CPAMD8: variants seen among roughly 807,000 people sequenced by gnomAD.
CPAMD8 encodes the protein C3 and PZP-like alpha-2-macroglobulin domain-containing protein 8.
CPAMD8 carries 146 observed loss-of-function variants against 224.7 expected under a neutral mutation model. The observed-to-expected ratio is 0.65, with a 90% CI of 0.57 to 0.75. The LOEUF is 0.75. Among genes scored for constraint, CPAMD8 ranks in the 30% least tolerant of loss-of-function variants. CPAMD8 has a pLI of 0.00. For missense variants in CPAMD8, 2,301 were observed against 2,537.5 expected (o/e 0.91, Z 2.00); for synonymous variants, 966 against 1,044.6 (o/e 0.92, Z 1.45).
At chr19:16,902,992 T>G in intron 34 of CPAMD8, 129 bp from the exon 35 acceptor site, 1 of 612,882 alleles carries the variant, frequency 1.6e-6, no homozygotes, top group Non-Finnish European at 2.9e-6. Context: ...TCCATGACAG[T>G]TTTAGAGACT....
At chr19:16,980,395 T>G in intron 14 of CPAMD8, 102 bp downstream of exon 14, 6 of 1,103,860 alleles carry the variant, frequency 5.4e-6, no homozygotes, top group Non-Finnish European at 6.6e-6. Flanking sequence ...CATGCTCCCC[T>G]CTCTGCTGGG....
chr19:16,902,846 A>T lies in CPAMD8; in HGVS notation c.4488T>A (p.Asn1496Lys). 6.5e-7 allele frequency: 1 copy of T among 1,534,640 alleles called. No homozygotes were observed. Among genetic ancestry groups the T allele is most frequent in the Non-Finnish European group, 8.8e-7 (1 of 1,137,808 alleles). The change falls in exon 35 of 42, where the codon AAT becomes AAA. Residue 1496 changes from asparagine to lysine, a missense_variant. Physicochemically the swap from Asn to Lys is moderately conservative, Grantham distance 94 (BLOSUM62 0). Around this residue, in one of 4 missense-constraint regions of CPAMD8, gnomAD observed 1,709 missense variants for 1,753.2 expected, o/e 0.97. Transcript: ENST00000443236. ...CTGGCTTGGCCACCGGGTCAGGCAC[A>T]TTGTAGGTGACATCAATCTGGGGGG... ...CCLMQIDVTYNVPDPVAKPAF... is the reference protein window; with the variant it reads ...CCLMQIDVTYKVPDPVAKPAF...
intron 27 of CPAMD8, among the ~76,000 whole-genome samples, chr19:16,918,859 A>T (rs1439691767): frequency 6.6e-6 from 1 of 151,710 alleles, no homozygotes; most frequent in Non-Finnish European, 1.5e-5. Context: ...AATGCAAAAA[A>T]TCTGAAATGC....
chr19:16,976,746 A>T (rs2055288434), intron 15 of CPAMD8, among the ~76,000 whole-genome samples: 1 of 151,934 alleles, frequency 6.6e-6, no homozygotes, highest in Admixed American at 6.5e-5. Context: ...GTTTGTTTAC[A>T]AGTTGCAGGG....
chr19:16,896,118 G>A, intron 41 of CPAMD8, 58 bp downstream of exon 41: 1 of 1,592,694 alleles, frequency 6.3e-7, no homozygotes, highest in African/African-American at 1.3e-5. Flanking sequence ...GGTAGGGGAG[G>A]GAGGTGGGGA....
At chr19:16,990,670 C>G (rs1443825866) in intron 12 of CPAMD8, among the ~76,000 whole-genome samples, 1 of 151,822 alleles carries the variant, frequency 6.6e-6, no homozygotes, top group East Asian at 1.9e-4. Context: ...CGAGACCATC[C>G]TGGCCAACAT....
At chr19:17,025,679 C>T (rs866270670) in intron 1 of CPAMD8, among the ~76,000 whole-genome samples, 14 of 152,146 alleles carry the variant, frequency 9.2e-5, no homozygotes, top group Non-Finnish European at 1.8e-4. Context: ...AAAATCCCCC[C>T]CAGGGCTGAG....
chr19:16,948,911 GGGAAA>G (rs1568515751), intron 20 of CPAMD8, among the ~76,000 whole-genome samples: 4 of 73,578 alleles, frequency 5.4e-5, no homozygotes, highest in South Asian at 6.3e-4. Context: ...GGGAAGGGAA[GGGAAA>G]GGAAGGGGAG....
intron 13 of CPAMD8, among the ~76,000 whole-genome samples, chr19:16,989,206 T>C (rs1463074658): frequency 6.6e-6 from 1 of 152,154 alleles, no homozygotes; most frequent in African/African-American, 2.4e-5. Flanking sequence ...CCCGTGCCCG[T>C]GCCCCCGTCT....
chr19:17,026,020 T>C (rs530548892), intron 1 of CPAMD8, among the ~76,000 whole-genome samples: 103 of 152,224 alleles, frequency 6.8e-4, no homozygotes, highest in Non-Finnish European at 1.1e-3. Context: ...TCACCCGAAC[T>C]TGCCAGGTTT....
At chr19:16,974,637 C>G (rs1197181569) in intron 17 of CPAMD8, among the ~76,000 whole-genome samples, 2 of 151,912 alleles carry the variant, frequency 1.3e-5, no homozygotes, top group Non-Finnish European at 2.9e-5. Context: ...TTGGAAGAAT[C>G]TACTTGTGAG....
chr19:16,921,284 C>T (rs1328661294), intron 27 of CPAMD8, among the ~76,000 whole-genome samples: 2 of 152,152 alleles, frequency 1.3e-5, no homozygotes, highest in African/African-American at 2.4e-5. Context: ...GCTGTCGGCA[C>T]TACCAGGGTG....
At chr19:17,019,971 C>CTTTTTTTTTTTT (rs569150151) in intron 3 of CPAMD8, among the ~76,000 whole-genome samples, 1 of 97,890 alleles carries the variant, frequency 1.0e-5, no homozygotes, top group East Asian at 2.9e-4. Context: ...TTTTTCTTTT[C>CTTTTTTTTTTTT]TTTTTTTTTT....
chr19:16,983,232 A>G (rs1235001373), intron 13 of CPAMD8, among the ~76,000 whole-genome samples: 1 of 152,116 alleles, frequency 6.6e-6, no homozygotes. Context: ...GGGAAAGCCC[A>G]TCTCTACAAA....
chr19:17,005,150 C>A (rs532030623), intron 7 of CPAMD8, among the ~76,000 whole-genome samples: 2 of 150,054 alleles, frequency 1.3e-5, no homozygotes, highest in East Asian at 3.9e-4. Flanking sequence ...AGTACCAATG[C>A]CCTCTACAAT....
chr19:16,895,313 T>G (rs2051918690), intron 41 of CPAMD8: 1 of 152,956 alleles, frequency 6.5e-6, no homozygotes, highest in African/African-American at 2.4e-5. Context: ...CTGGGGAGGC[T>G]GAGACAGGAG....
intron 5 of CPAMD8, 78 bp from the exon 6 acceptor site, chr19:17,009,398 C>G: frequency 6.2e-7 from 1 of 1,610,120 alleles, no homozygotes; most frequent in African/African-American, 1.3e-5. Flanking sequence ...TGCATGGCCT[C>G]GGTCCCCGGG....
chr19:16,909,284 C>T (rs1440207028), intron 29 of CPAMD8, among the ~76,000 whole-genome samples: 3 of 152,126 alleles, frequency 2.0e-5, no homozygotes, highest in Non-Finnish European at 4.4e-5. Context: ...GTGGCTCACG[C>T]CTGTAATCCC....
chr19:16,967,938 T>TGTGC (rs1323584561), intron 18 of CPAMD8, among the ~76,000 whole-genome samples: 73 of 151,474 alleles, frequency 4.8e-4, no homozygotes, highest in African/African-American at 9.4e-4. Context: ...TGTGTATATA[T>TGTGC]ATACATGTTG....
Sources: allele counts gnomAD v4.1 joint callset (sites outside exome capture counted in the v4.1 genomes callset), GRCh38; gene constraint gnomAD v4.1.1; regional missense constraint gnomAD v4.1.1; transcripts MANE v1.5; gene names NCBI Gene and HGNC (gene_info 2026-07-23, HGNC 2026-07-21).